The following DSN1 variants were observed in gnomAD, a reference collection of about 807,000 sequenced individuals.
The protein encoded by DSN1 is DSN1 component of MIS12 kinetochore complex.
A neutral mutation model predicts 45.7 loss-of-function variants in DSN1; 31 were observed. The observed-to-expected ratio is 0.68, with a 90% CI of 0.51 to 0.92. The LOEUF is 0.92. DSN1 is among the 40% of genes least tolerant of loss of function. DSN1 has a pLI of 0.00. For synonymous variants in DSN1, 134 were observed against 142.3 expected (o/e 0.94, Z 0.41); for missense variants, 394 against 414.2 (o/e 0.95, Z 0.42).
chr20:36,758,024 GAAAT>G, intron 8 of DSN1, 59 bp downstream of exon 8: 1 of 1,470,624 alleles, frequency 6.8e-7, no homozygotes, highest in Non-Finnish European at 9.4e-7. Context: ...TAACAGAACT[GAAAT>G]AAACACCAAT....
chr20:36,758,745 TG>T, intron 6 of DSN1, 128 bp from the exon 7 acceptor site: 1 of 851,168 alleles, frequency 1.2e-6, no homozygotes, highest in South Asian at 1.8e-5. Flanking sequence ...TGGAGTGCAA[TG>T]GCACAATCTT....
rs1987775328 is a variant in DSN1, at chr20:36,773,759, T to TCTC, written c.-116_-114dup. 1.0e-6 allele frequency: 1 copy of TCTC among 985,234 alleles called. No homozygotes were observed. The highest frequency in any genetic ancestry group is 1.2e-6 in the Non-Finnish European group (1 of 829,938). 61.0% of individuals were successfully genotyped at this position (985,234 alleles called of 1,614,324 possible). A position where few individuals can be genotyped will look rare whatever the true frequency, so the allele number is the denominator to read the frequency against. On this transcript the variant is annotated 5_prime_UTR_variant, in exon 1 of 11. Transcript: ENST00000373750. ...ATACTCCCTGATCAGGGTGAAGCGG[T>TCTC]CTCCACCTTCTACGTCACGGTCACC...
chr20:36,769,659 G>T (rs1198496607), intron 3 of DSN1, among the ~76,000 whole-genome samples: 1 of 152,044 alleles, frequency 6.6e-6, no homozygotes, highest in East Asian at 1.9e-4. Context: ...TATGTCCCAA[G>T]TACTGTGTTA....
At chr20:36,758,985 CTATT>C (rs1454938142) in intron 6 of DSN1, among the ~76,000 whole-genome samples, 1 of 151,184 alleles carries the variant, frequency 6.6e-6, no homozygotes, top group East Asian at 2.0e-4. Context: ...CAGCACCCAG[CTATT>C]TATTTATTTT....
chr20:36,770,974 T>G lies in DSN1; in HGVS notation c.254A>C (p.Gln85Pro). ...CCTCCTGTCTTGATAACTGGCAGAT[T>G]GTTCTTGAGGAGACAAATGAAGGGA... ...SKSLHLSPQE[Q>P]SASYQDRRQS... is the part of the protein sequence containing the mutation. Residue 85 changes from glutamine to proline, a missense_variant, in exon 3 of 11, where the codon CAA (glutamine) becomes CCA (proline). Gln to Pro is a moderately conservative substitution (Grantham distance 76). Coordinates refer to ENST00000373750, the MANE Select transcript of DSN1 (RefSeq NM_001145315.2). 6.2e-7 allele frequency: 1 copy of G among 1,614,214 alleles called. No homozygotes were observed. Among genetic ancestry groups the G allele is most frequent in the African/African-American group, 1.3e-5 (1 of 75,058 alleles).
chr20:36,761,232 C>A lies in DSN1; in HGVS notation c.590+1229G>T, dbSNP rs558975459. Among the ~76,000 whole-genome samples the A allele has an allele frequency of 1.5e-4, 23 of 152,252 alleles. 1 individual carries two copies. In the South Asian group the frequency reaches 3.9e-3, roughly 26 times the overall value. On this transcript the variant is annotated intron_variant, in intron 6 of 10. Coordinates refer to ENST00000373750, the MANE Select transcript of DSN1 (RefSeq NM_001145315.2). Reference sequence around the variant, plus strand: ...CCATTCATATCTTACAGGTTTCAAGCCCAAGGTCAAATCATTAGAGGTCTC... The same window carrying A: ...CCATTCATATCTTACAGGTTTCAAGACCAAGGTCAAATCATTAGAGGTCTC...
At chr20:36,767,383 C>T (rs1057510826) in intron 4 of DSN1, among the ~76,000 whole-genome samples, 1 of 149,546 alleles carries the variant, frequency 6.7e-6, no homozygotes, top group Non-Finnish European at 1.5e-5. Context: ...ACTTTCGGTT[C>T]AGGAAAAAAA....
chr20:36,771,115 G>A lies in DSN1; in HGVS notation c.113C>T (p.Thr38Ile), dbSNP rs753124965. Reference sequence around the variant, plus strand: ...TTGATTCATCTCCAGGGAGGCAGATGTTTTAGCAAACACTTCCACAGGACT... The same window carrying A: ...TTGATTCATCTCCAGGGAGGCAGATATTTTAGCAAACACTTCCACAGGACT... ...SLSPVEVFAK[T>I]SASLEMNQGV... Residue 38 changes from threonine (T) to isoleucine (I), a missense_variant, in exon 3 of 11, where the codon ACA becomes ATA. Coordinates refer to ENST00000373750, the MANE Select transcript of DSN1 (RefSeq NM_001145315.2). 2.4e-5 allele frequency: 38 copies of A among 1,614,030 alleles called. No homozygotes were observed. Among genetic ancestry groups the A allele is most frequent in the Non-Finnish European group, 3.0e-5 (35 of 1,180,040 alleles).
At position 36,755,832 on chromosome 20, in the gene DSN1, A is replaced by G; in HGVS notation, c.726-3T>C. 1 of 1,605,240 alleles carries G rather than the reference A, an allele frequency of 6.2e-7. No individual in the cohort carries two copies. The highest frequency in any genetic ancestry group is 8.5e-7 in the Non-Finnish European group (1 of 1,177,574). ...TAATTTTGGCCTCAGTTGATCCTCT[A>G]AAAACAAAACACAAGAGCTTTTGAG... On this transcript the variant is annotated splice_polypyrimidine_tract_variant and splice_region_variant and intron_variant, in intron 8 of 10. Coordinates refer to ENST00000373750, the MANE Select transcript of DSN1 (RefSeq NM_001145315.2).
At chr20:36,758,729 C>T in intron 6 of DSN1, 112 bp from the exon 7 acceptor site, 2 of 1,095,786 alleles carry the variant, frequency 1.8e-6, no homozygotes, top group Middle Eastern at 3.1e-4. Flanking sequence ...CTCTTGTTGC[C>T]CAGGCTGGAG....
At chr20:36,769,498 T>C (rs2425282) in intron 3 of DSN1, among the ~76,000 whole-genome samples, 9,512 of 152,208 alleles carry the variant, frequency 0.062, 1,030 homozygotes, top group African/African-American at 0.22. Flanking sequence ...CTCAGCACAT[T>C]TAGGGACTAA....
At chr20:36,753,691 A>G (rs1448396146) in intron 10 of DSN1, among the ~76,000 whole-genome samples, 1 of 151,622 alleles carries the variant, frequency 6.6e-6, no homozygotes, top group Non-Finnish European at 1.5e-5. Flanking sequence ...CCACCACTAC[A>G]ATCACAATAC....
intron 8 of DSN1, among the ~76,000 whole-genome samples, chr20:36,757,756 G>A (rs1009068194): frequency 6.6e-6 from 1 of 152,182 alleles, no homozygotes; most frequent in Admixed American, 6.5e-5. Context: ...TGTGCTCACT[G>A]AAGCCCCTTG....
At chr20:36,762,087 A>G (rs1411655165) in intron 6 of DSN1, among the ~76,000 whole-genome samples, 1 of 151,722 alleles carries the variant, frequency 6.6e-6, no homozygotes, top group Non-Finnish European at 1.5e-5. Flanking sequence ...TAATTACAAC[A>G]AAAGTCCTAA....
intron 5 of DSN1, 26 bp from the exon 6 acceptor site, chr20:36,762,574 TA>T (rs1987059225): frequency 6.3e-7 from 1 of 1,599,610 alleles, no homozygotes; most frequent in South Asian, 1.1e-5. Flanking sequence ...TTACGTGTCA[TA>T]AAATAAAGGA....
At chr20:36,763,433 AG>A (rs1418807698) in intron 5 of DSN1, among the ~76,000 whole-genome samples, 2 of 149,258 alleles carry the variant, frequency 1.3e-5, no homozygotes, top group African/African-American at 2.4e-5. Context: ...AAAAAAAAAA[AG>A]AAGTCAGGCA....
chr20:36,757,085 G>A (rs1401460733), intron 8 of DSN1, among the ~76,000 whole-genome samples: 2 of 152,230 alleles, frequency 1.3e-5, no homozygotes, highest in African/African-American at 2.4e-5. Flanking sequence ...GCCAGGTGCT[G>A]TGGCTTACAC....
intron 5 of DSN1, among the ~76,000 whole-genome samples, chr20:36,763,644 T>C (rs182428385): frequency 6.6e-6 from 1 of 151,062 alleles, no homozygotes; most frequent in African/African-American, 2.4e-5. Flanking sequence ...ATCCCAGCAC[T>C]TTGGGAGGCC....
chr20:36,752,987 G>T, intron 10 of DSN1, 90 bp from the exon 11 acceptor site: 1 of 1,021,712 alleles, frequency 9.8e-7, no homozygotes, highest in Non-Finnish European at 1.5e-6. Context: ...TGACACACAT[G>T]GAAGGGCATT....
Sources: gnomAD v4.1 joint callset for allele counts (sites outside exome capture counted in the v4.1 genomes callset) on GRCh38, gnomAD v4.1.1 for gene constraint, MANE v1.5 for transcripts, NCBI Gene and HGNC (gene_info 2026-07-23, HGNC 2026-07-21) for gene names.